Variants in TPRG1 observed in about 807,000 individuals in gnomAD.
TPRG1 encodes the protein tumor protein p63-regulated gene 1 protein.
A neutral mutation model predicts 29.3 loss-of-function variants in TPRG1; 29 were observed. The ratio of observed to expected loss-of-function variants is 0.99; its 90% confidence interval spans 0.74 to 1.35. The LOEUF is 1.35. Ranked by LOEUF, TPRG1 falls within the 40% of genes most tolerant of loss-of-function variation. TPRG1 has a pLI of 0.00. For missense variants in TPRG1, 327 were observed against 335.0 expected (o/e 0.98, Z 0.19); for synonymous variants, 130 against 116.8 (o/e 1.11, Z -0.73).
chr3:189,096,334 C>T (rs1313463283), upstream of TPRG1, among the ~76,000 whole-genome samples: 1 of 152,188 alleles, frequency 6.6e-6, no homozygotes, highest in African/African-American at 2.4e-5. Context: ...GTTACCTTCT[C>T]TGTGAAGACT....
chr3:189,242,658 CT>C (rs1740804119), intron 4 of TPRG1, among the ~76,000 whole-genome samples: 1 of 151,920 alleles, frequency 6.6e-6, no homozygotes, highest in South Asian at 2.1e-4. Flanking sequence ...ATGTTCCCTC[CT>C]CTTTTATTTT....
intron 3 of TPRG1, among the ~76,000 whole-genome samples, chr3:189,220,072 T>C (rs1170310990): frequency 6.6e-6 from 1 of 152,198 alleles, no homozygotes; most frequent in Non-Finnish European, 1.5e-5. Context: ...TCAGTAAAGC[T>C]GGGTGAACTT....
Position 189,215,293 on chromosome 3 carries a change from C to G in TPRG1, c.212C>G (p.Pro71Arg), listed in dbSNP as rs777616187. ...YISRKYFATR[P>R]GAIETAMEDL... is the part of the protein sequence containing the mutation. ...AGGTATTTTCTCCTTTCCACACAGC[C>G]GGGGGCCATTGAGACTGCCATGGAA... is the stretch of plus-strand genomic sequence containing the variant. The change falls in exon 3 of 6, where the codon CCG becomes CGG. Residue 71 changes from proline (P) to arginine (R), a missense_variant and splice_region_variant. By Grantham distance (103) the Pro-to-Arg change is moderately radical. Coordinates refer to ENST00000345063, the MANE Select transcript of TPRG1 (RefSeq NM_198485.4). 6.2e-7 allele frequency: 1 copy of G among 1,611,416 alleles called. No homozygotes were observed. Among genetic ancestry groups the G allele is most frequent in the Admixed American group, 1.7e-5 (1 of 59,506 alleles).
chr3:189,246,806 A>G (rs1466871547), intron 4 of TPRG1, among the ~76,000 whole-genome samples: 1 of 152,160 alleles, frequency 6.6e-6, no homozygotes, highest in East Asian at 1.9e-4. Context: ...AGAACTTTCA[A>G]GACGTTGTTC....
At chr3:189,108,296 G>C (rs1039725738) in intron 1 of TPRG1, among the ~76,000 whole-genome samples, 2 of 152,248 alleles carry the variant, frequency 1.3e-5, no homozygotes, top group East Asian at 3.9e-4. Flanking sequence ...GCTGGAAGCA[G>C]GGGCAAGCTG....
intron 1 of TPRG1, chr3:189,123,818 TA>T (rs2108511055): frequency 6.6e-6 from 1 of 152,348 alleles, no homozygotes; most frequent in African/African-American, 2.4e-5. Context: ...ATTTGGCTGA[TA>T]AACTTGACAG....
At chr3:189,195,370 G>A (rs2108756183) in intron 1 of TPRG1, among the ~76,000 whole-genome samples, 2 of 152,258 alleles carry the variant, frequency 1.3e-5, no homozygotes, top group South Asian at 2.1e-4. Flanking sequence ...AGCGGGAGTG[G>A]TAGGTGAAGT....
intron 5 of TPRG1, among the ~76,000 whole-genome samples, chr3:189,311,264 A>G (rs758074769): frequency 1.7e-4 from 26 of 152,214 alleles, no homozygotes; most frequent in Non-Finnish European, 3.5e-4. Context: ...CCAAATATAC[A>G]TATGAGTGCG....
intron 4 of TPRG1, among the ~76,000 whole-genome samples, chr3:189,289,503 G>A: frequency 6.6e-6 from 1 of 151,650 alleles, no homozygotes; most frequent in Admixed American, 6.6e-5. Flanking sequence ...TGCTGCCCCT[G>A]CTTAAGTTCA....
At chr3:189,065,756 A>C (rs1716397029) in intron 4 of TPRG1, among the ~76,000 whole-genome samples, 1 of 152,132 alleles carries the variant, frequency 6.6e-6, no homozygotes, top group Admixed American at 6.6e-5. Context: ...AGAACAAGGC[A>C]AGGATGTCTT....
chr3:189,017,293 T>C (rs988336647), intron 3 of TPRG1, among the ~76,000 whole-genome samples: 4 of 152,064 alleles, frequency 2.6e-5, no homozygotes, highest in Admixed American at 6.6e-5. Context: ...GTTAGTTACA[T>C]ATGTATACAT....
At chr3:189,164,002 T>C (rs1019719338) in intron 5 of TPRG1, among the ~76,000 whole-genome samples, 1 of 151,710 alleles carries the variant, frequency 6.6e-6, no homozygotes, top group Non-Finnish European at 1.5e-5. Context: ...AATAAACAAA[T>C]AAATAAGACA....
chr3:189,083,822 C>CTTT (rs1188157643), intron 4 of TPRG1, among the ~76,000 whole-genome samples: 3 of 130,168 alleles, frequency 2.3e-5, no homozygotes, highest in African/African-American at 9.8e-5. Flanking sequence ...TTTTCTTTAT[C>CTTT]TCTGATCTTC....
chr3:189,207,088 A>T lies in TPRG1; in HGVS notation c.-9-288A>T, dbSNP rs895485130. ...AGAGAAATTGTCTGGTAATTATTTT[A>T]TATAGCTCTTCTCTTGTTCAGGTTC... On this transcript the variant is annotated intron_variant, in intron 1 of 5. Transcript: ENST00000345063. 3 of 739,560 alleles carry T rather than the reference A, an allele frequency of 4.1e-6. No individual in the cohort carries two copies. In the South Asian group the frequency reaches 1.8e-4, roughly 46 times the overall value. The allele number at this position is 739,560 out of a possible 1,614,324, so 45.8% of individuals were successfully genotyped here. A position where few individuals can be genotyped will look rare whatever the true frequency, so the allele number is the denominator to read the frequency against.
At position 189,324,093 on chromosome 3, in the gene TPRG1, T is replaced by G. The variant is rs567545670; in HGVS notation, c.*3273T>G. The stretch of plus-strand genomic sequence containing the variant: ...GACCTTTGGTCATCTTAAGGTCATC[T>G]AAGGCAGAAAAGAGAAGCTCACTTA... On this transcript the variant is annotated 3_prime_UTR_variant, in exon 6 of 6. Transcript: ENST00000345063. The G allele has an allele frequency of 6.6e-6, 1 of 152,298 alleles. No individual in the cohort carries two copies. Among genetic ancestry groups the G allele is most frequent in the South Asian group, 2.1e-4 (1 of 4,826 alleles). The allele number at this position is 152,298 out of a possible 1,614,324, so 9.4% of individuals were successfully genotyped here. A position where few individuals can be genotyped will look rare whatever the true frequency, so the allele number is the denominator to read the frequency against.
At chr3:189,239,862 G>A (rs1022315931) in intron 4 of TPRG1, among the ~76,000 whole-genome samples, 1 of 152,170 alleles carries the variant, frequency 6.6e-6, no homozygotes, top group South Asian at 2.1e-4. Flanking sequence ...GGTCTACAGA[G>A]GAGAATGCTG....
intron 1 of TPRG1, among the ~76,000 whole-genome samples, chr3:189,197,074 A>C (rs2108762486): frequency 6.6e-6 from 1 of 152,248 alleles, no homozygotes. Flanking sequence ...TCTGGTAGGC[A>C]TTAATCTACA....
At chr3:189,240,813 T>A (rs1452345299) in intron 4 of TPRG1, among the ~76,000 whole-genome samples, 3 of 151,262 alleles carry the variant, frequency 2.0e-5, no homozygotes, top group Non-Finnish European at 4.4e-5. Context: ...TAAAAGTACA[T>A]ATCTACACAC....
chr3:189,127,321 G>A (rs1722600718), intron 2 of TPRG1: 1 of 152,176 alleles, frequency 6.6e-6, no homozygotes, highest in Non-Finnish European at 1.5e-5. Flanking sequence ...CATTACTTAG[G>A]TGTCTGCTCC....
Sources: allele counts gnomAD v4.1 joint callset (sites outside exome capture counted in the v4.1 genomes callset), GRCh38; gene constraint gnomAD v4.1.1; transcripts MANE v1.5; gene names NCBI Gene and HGNC (gene_info 2026-07-23, HGNC 2026-07-21).